LCOR: variants seen among roughly 807,000 people sequenced by gnomAD.
LCOR encodes the protein ligand dependent nuclear receptor corepressor, also known as ligand-dependent corepressor.
LCOR carries 14 observed loss-of-function variants against 64.4 expected under a neutral mutation model. The ratio of observed to expected loss-of-function variants is 0.22; its 90% CI spans 0.14 to 0.34. The LOEUF (loss-of-function observed/expected upper bound fraction) is 0.34, where lower values mean the gene tolerates loss of function less well. Ranked by LOEUF, LCOR falls within the 10% of genes least tolerant of loss-of-function variation. The pLI is 1.00. For synonymous variants in LCOR, 643 were observed against 642.5 expected (o/e 1.00, Z -0.01); for missense variants, 1,686 against 1,765.3 (o/e 0.96, Z 0.80).
chr10:96,982,307 T>C lies in LCOR; in HGVS notation c.1847T>C (p.Leu616Pro). ...TCAGAGGAAACGACAGCCTCCAGCC[T>C]GGTGTGGCCTCTCCCTGCTCACCTT... ...PRSEETTASS[L>P]VWPLPAHLPE... The change falls in exon 8 of 8, where the codon CTG becomes CCG. Residue 616 changes from leucine to proline, a missense_variant. By Grantham distance (98) the Leu-to-Pro change is moderately conservative (BLOSUM62 -3). Around this residue, in one of 3 missense-constraint regions of LCOR, gnomAD observed 1,293 missense variants for 1,410.4 expected, o/e 0.92. Coordinates refer to ENST00000421806, the MANE Select transcript of LCOR (RefSeq NM_001346516.2). The C allele has an allele frequency of 6.2e-7, 1 of 1,614,192 alleles. No homozygotes were observed. The highest frequency in any genetic ancestry group is 1.3e-5 in the African/African-American group (1 of 75,038).
intron 7 of LCOR, chr10:96,955,817 A>G (rs967289157): frequency 3.1e-6 from 5 of 1,614,110 alleles, no homozygotes; most frequent in Admixed American, 1.7e-5. Context: ...CTCCAAAGAA[A>G]AAGATGAAAT....
chr10:96,892,249 G>A (rs907548591), intron 2 of LCOR, among the ~76,000 whole-genome samples: 2 of 152,042 alleles, frequency 1.3e-5, no homozygotes, highest in African/African-American at 4.8e-5. Flanking sequence ...GTCAATTTTT[G>A]CTTCATAGAA....
intron 7 of LCOR, among the ~76,000 whole-genome samples, chr10:96,953,627 G>A (rs1369722792): frequency 6.6e-6 from 1 of 152,164 alleles, no homozygotes; most frequent in Non-Finnish European, 1.5e-5. Flanking sequence ...TGTGCAGTTT[G>A]CATAAACAAA....
At chr10:96,952,237 A>C in intron 7 of LCOR, 41 bp downstream of exon 7, 1 of 1,371,732 alleles carries the variant, frequency 7.3e-7, no homozygotes, top group East Asian at 2.3e-5. Flanking sequence ...TTTCATATAG[A>C]TAATTCATCA....
At chr10:96,892,260 T>C (rs1284207359) in intron 2 of LCOR, among the ~76,000 whole-genome samples, 2 of 152,216 alleles carry the variant, frequency 1.3e-5, no homozygotes, top group Non-Finnish European at 2.9e-5. Context: ...CTTCATAGAA[T>C]TTGGGGCTGT....
intron 4 of LCOR, among the ~76,000 whole-genome samples, chr10:96,920,578 A>G (rs1462029479): frequency 1.4e-5 from 2 of 141,902 alleles, no homozygotes; most frequent in Non-Finnish European, 3.0e-5. Flanking sequence ...ATGTATATTC[A>G]TATATATGTG....
At chr10:96,955,603 C>T in intron 7 of LCOR, 4 of 1,614,112 alleles carry the variant, frequency 2.5e-6, no homozygotes, top group East Asian at 2.2e-5. Flanking sequence ...TATCCCACAT[C>T]GGATCAAGAA....
intron 7 of LCOR, among the ~76,000 whole-genome samples, chr10:96,978,525 A>AT (rs965297163): frequency 1.3e-5 from 2 of 152,006 alleles, no homozygotes; most frequent in Non-Finnish European, 2.9e-5. Flanking sequence ...CTATAATAAT[A>AT]TTTTTTCCTA....
intron 7 of LCOR, 53 bp downstream of exon 7, chr10:96,952,249 A>C: frequency 8.3e-7 from 1 of 1,211,484 alleles, no homozygotes; most frequent in Non-Finnish European, 1.2e-6. Flanking sequence ...AATTCATCAA[A>C]GGTTGATGCC....
chr10:96,837,192 G>A (rs554506883), intron 2 of LCOR, among the ~76,000 whole-genome samples: 33 of 152,174 alleles, frequency 2.2e-4, no homozygotes, highest in East Asian at 5.8e-4. Flanking sequence ...GGGTTTCACC[G>A]TGTTAGCCAG....
intron 7 of LCOR, among the ~76,000 whole-genome samples, chr10:96,966,902 A>G (rs1278371588): frequency 1.3e-5 from 2 of 152,098 alleles, no homozygotes; most frequent in East Asian, 3.9e-4. Flanking sequence ...TGCCTGGCTA[A>G]TTTTACAATT....
chr10:96,984,507 A>C lies in LCOR; in HGVS notation c.4047A>C (p.Val1349=), dbSNP rs768824966. ...AVESKPSRKS[V]CINPLMSPKL... ...AAAGTAAGCCAAGTCGTAAGAGCGTATGCATCAACCCTCTGATGTCCCCCA... is the reference window on the plus strand; with the variant it reads ...AAAGTAAGCCAAGTCGTAAGAGCGTCTGCATCAACCCTCTGATGTCCCCCA... Residue 1349 remains valine (V), a synonymous_variant, in exon 8 of 8, where the codon GTA becomes GTC. Transcript: ENST00000421806. The C allele has an allele frequency of 1.2e-6, 2 of 1,614,224 alleles. No individual in the cohort carries two copies. The highest frequency in any genetic ancestry group is 2.2e-5 in the South Asian group (2 of 91,084).
At chr10:96,848,886 A>G (rs992389675) in intron 2 of LCOR, among the ~76,000 whole-genome samples, 6 of 151,916 alleles carry the variant, frequency 3.9e-5, no homozygotes, top group Admixed American at 2.0e-4. Flanking sequence ...CTCATTTAAT[A>G]TATTTCTATC....
intron 4 of LCOR, among the ~76,000 whole-genome samples, chr10:96,926,628 A>G (rs1357880570): frequency 2.0e-5 from 3 of 152,174 alleles, no homozygotes; most frequent in African/African-American, 7.2e-5. Flanking sequence ...TGGTAAATGT[A>G]TACAGTTGTC....
chr10:96,833,284 C>T (rs979525164), intron 1 of LCOR, 122 bp from the exon 2 acceptor site: 2 of 947,692 alleles, frequency 2.1e-6, no homozygotes, highest in Admixed American at 6.2e-5. Flanking sequence ...GACCTTGGGC[C>T]GCCCTCGGGT....
intron 2 of LCOR, among the ~76,000 whole-genome samples, chr10:96,887,572 A>T (rs1322263348): frequency 6.6e-6 from 1 of 152,096 alleles, no homozygotes; most frequent in African/African-American, 2.4e-5. Flanking sequence ...CAAAAAAAAA[A>T]AAAATACTAC....
At chr10:96,940,910 C>T (rs1468002216) in intron 4 of LCOR, among the ~76,000 whole-genome samples, 3 of 151,512 alleles carry the variant, frequency 2.0e-5, no homozygotes, top group African/African-American at 7.3e-5. Flanking sequence ...AAGTGCCCCC[C>T]ACCTCCCGGA....
chr10:96,866,368 C>G (rs899343452), intron 2 of LCOR, among the ~76,000 whole-genome samples: 2 of 152,100 alleles, frequency 1.3e-5, no homozygotes, highest in Non-Finnish European at 2.9e-5. Context: ...ATAGTATTTC[C>G]TTGTACGGCT....
intron 2 of LCOR, among the ~76,000 whole-genome samples, chr10:96,873,569 CACGTGTGTGTGTGTGT>C (rs1186055444): frequency 6.0e-4 from 50 of 83,466 alleles, no homozygotes; most frequent in African/African-American, 2.2e-3. Context: ...CACACACACA[CACGTGTGTGTGTGTGT>C]GTGTGTGTGT....
Sources: gnomAD v4.1 joint callset for allele counts (sites outside exome capture counted in the v4.1 genomes callset) on GRCh38, gnomAD v4.1.1 for gene constraint, gnomAD v4.1.1 regional missense constraint, MANE v1.5 for transcripts, NCBI Gene and HGNC (gene_info 2026-07-23, HGNC 2026-07-21) for gene names.